PTPN9: variants seen among roughly 807,000 people sequenced by gnomAD.
PTPN9 encodes the protein tyrosine-protein phosphatase non-receptor type 9.
Under a neutral mutation model 69.8 loss-of-function variants are expected in PTPN9, and 26 were observed. The observed-to-expected ratio is 0.37, with a 90% CI of 0.27 to 0.52. The LOEUF (loss-of-function observed/expected upper bound fraction) is 0.52, where lower values mean the gene tolerates loss of function less well. Among genes scored for constraint, PTPN9 ranks in the 20% least tolerant of loss-of-function variants. The pLI is 0.91. For missense variants in PTPN9, 549 were observed against 740.3 expected, an observed-to-expected ratio of 0.74 and a Z score of 3.00; for synonymous variants, 274 against 272.5, an observed-to-expected ratio of 1.01 and a Z score of -0.05.
intron 1 of PTPN9, among the ~76,000 whole-genome samples, chr15:75,564,315 C>T (rs926112319): frequency 1.3e-5 from 2 of 152,168 alleles, no homozygotes; most frequent in Non-Finnish European, 2.9e-5. Context: ...ACCACATTGG[C>T]CAGGTGCGGT....
chr15:75,484,293 A>G (rs1297301186), intron 8 of PTPN9, among the ~76,000 whole-genome samples: 1 of 152,214 alleles, frequency 6.6e-6, no homozygotes, highest in African/African-American at 2.4e-5. Context: ...ATGAGAGGCA[A>G]GGCAAGCAAG....
intron 1 of PTPN9, among the ~76,000 whole-genome samples, chr15:75,538,653 C>G (rs2074995601): frequency 6.6e-6 from 1 of 151,898 alleles, no homozygotes; most frequent in Non-Finnish European, 1.5e-5. Flanking sequence ...CTGCATGGCC[C>G]CCCAGCCTGG....
At chr15:75,524,341 G>T in intron 2 of PTPN9, 43 bp from the exon 3 acceptor site, 2 of 1,266,870 alleles carry the variant, frequency 1.6e-6, no homozygotes, top group Non-Finnish European at 2.3e-6. Flanking sequence ...TGAAAATACT[G>T]TATATCCAGG....
rs1567533120 is a variant in PTPN9 at position 75,575,010 on chromosome 15, G to GTTTTT, written c.63+3703_63+3704insAAAAA. Among the ~76,000 whole-genome samples the GTTTTT allele has an allele frequency of 3.8e-4, 6 of 15,768 alleles. 3 individuals carry two copies. The highest frequency in any genetic ancestry group is 5.0e-4 in the Non-Finnish European group (6 of 12,054). The allele number at this position is 15,768 out of a possible 152,430, so 10.3% of individuals were successfully genotyped here. ...TTTTTTTTTTTTTTTTTGAGACAGAGGAGACGGAGTCTCGCTCTGTCGGCG... is the reference window on the plus strand; with the variant it reads ...TTTTTTTTTTTTTTTTTGAGACAGAGTTTTTGAGACGGAGTCTCGCTCTGTCGGCG... On this transcript the variant is annotated intron_variant, in intron 1 of 12. Coordinates refer to ENST00000618819, the MANE Select transcript of PTPN9 (RefSeq NM_002833.4).
At chr15:75,575,353 C>T (rs1295089172) in intron 1 of PTPN9, among the ~76,000 whole-genome samples, 1 of 151,976 alleles carries the variant, frequency 6.6e-6, no homozygotes, top group Admixed American at 6.6e-5. Context: ...AATGTGTAAA[C>T]CGAATTTGAT....
chr15:75,576,509 G>T (rs1321651596), intron 1 of PTPN9, among the ~76,000 whole-genome samples: 2 of 150,028 alleles, frequency 1.3e-5, no homozygotes, highest in Non-Finnish European at 3.0e-5. Context: ...TCCAGTCTGG[G>T]CAACAAAACC....
At chr15:75,524,545 A>C (rs1203865171) in intron 2 of PTPN9, among the ~76,000 whole-genome samples, 3 of 152,206 alleles carry the variant, frequency 2.0e-5, no homozygotes, top group African/African-American at 7.2e-5. Flanking sequence ...TGAGAGGCCA[A>C]GGCGGGCAGG....
intron 9 of PTPN9, among the ~76,000 whole-genome samples, chr15:75,473,977 C>T (rs1004360020): frequency 1.3e-5 from 2 of 152,146 alleles, no homozygotes; most frequent in Admixed American, 1.3e-4. Context: ...ATCTGCATGT[C>T]AACGAGATCC....
chr15:75,522,566 G>A (rs1234071730), intron 4 of PTPN9, among the ~76,000 whole-genome samples: 2 of 151,900 alleles, frequency 1.3e-5, no homozygotes, highest in Non-Finnish European at 1.5e-5. Flanking sequence ...ACCACACCCA[G>A]CTAATTTTTT....
At chr15:75,480,954 C>A in intron 8 of PTPN9, 1 of 189,564 alleles carries the variant, frequency 5.3e-6, no homozygotes, top group Non-Finnish European at 9.6e-6. Context: ...GTGAGGAGCC[C>A]CTCTGCCTGG....
At chr15:75,480,123 C>T (rs1345058403) in intron 8 of PTPN9, among the ~76,000 whole-genome samples, 1 of 152,034 alleles carries the variant, frequency 6.6e-6, no homozygotes, top group East Asian at 1.9e-4. Context: ...CAAGCTGACT[C>T]CTTCCTCACA....
chr15:75,471,976 C>T (rs1233706669), intron 10 of PTPN9, among the ~76,000 whole-genome samples: 1 of 152,102 alleles, frequency 6.6e-6, no homozygotes, highest in Non-Finnish European at 1.5e-5. Context: ...CCTTGCCACC[C>T]TCCAGTGGCC....
chr15:75,503,837 C>T (rs1430836305), intron 7 of PTPN9, among the ~76,000 whole-genome samples: 4 of 134,770 alleles, frequency 3.0e-5, no homozygotes, highest in African/African-American at 1.1e-4. Context: ...GCCAGCCGCC[C>T]CGTCCGGGAG....
At position 75,509,050 on chromosome 15, in the gene PTPN9, T is replaced by C. The variant is rs781503340; in HGVS notation, c.529-23A>G. On this transcript the variant is annotated intron_variant, in intron 5 of 12. Coordinates refer to ENST00000618819, the MANE Select transcript of PTPN9 (RefSeq NM_002833.4). ...TCCCTGTGGAGAAAACACATGAGGA[T>C]TTAAGTGTAATGGAACCTGTGACTC... 15 of 1,590,104 alleles carry C rather than the reference T, an allele frequency of 9.4e-6. No individual in the cohort carries two copies. In the South Asian group the frequency reaches 1.7e-4, roughly 18 times the overall value.
Position 75,498,122 on chromosome 15 carries a change from G to A in PTPN9, c.968+7553C>T, listed in dbSNP as rs189282438. Among the ~76,000 whole-genome samples the A allele has an allele frequency of 3.2e-4, 49 of 152,002 alleles. No individual in the cohort carries two copies. In the East Asian group the frequency reaches 8.7e-3, roughly 27 times the overall value. ...GAGGCGGGAGATCACTTGAACCCAT[G>A]AGGCGGAGGTTGCAGCGAGCTGAGA... On this transcript the variant is annotated intron_variant, in intron 7 of 12. Transcript: ENST00000618819.
At chr15:75,524,179 G>T (rs760629675) in intron 3 of PTPN9, 30 bp downstream of exon 3, 11 of 1,318,612 alleles carry the variant, frequency 8.3e-6, no homozygotes, top group Non-Finnish European at 1.2e-5. Flanking sequence ...AAGTAATAAG[G>T]CCCTACAAGA....
intron 7 of PTPN9, among the ~76,000 whole-genome samples, chr15:75,500,034 C>T (rs144087806): frequency 1.1e-4 from 16 of 152,092 alleles, no homozygotes; most frequent in Non-Finnish European, 2.9e-5. Flanking sequence ...ACAAATTAGG[C>T]CAGGCATGGT....
chr15:75,568,860 G>T (rs1267834533), intron 1 of PTPN9, among the ~76,000 whole-genome samples: 1 of 152,006 alleles, frequency 6.6e-6, no homozygotes, highest in African/African-American at 2.4e-5. Flanking sequence ...TTTAAAAAGT[G>T]AACCAAACGC....
intron 1 of PTPN9, among the ~76,000 whole-genome samples, chr15:75,557,208 T>G (rs1320851057): frequency 6.6e-6 from 1 of 152,106 alleles, no homozygotes; most frequent in Non-Finnish European, 1.5e-5. Flanking sequence ...GCAGATCACC[T>G]GAGGTCAGGA....
Sources: gnomAD v4.1 joint callset for allele counts (sites outside exome capture counted in the v4.1 genomes callset) on GRCh38, gnomAD v4.1.1 for gene constraint, MANE v1.5 for transcripts, NCBI Gene and HGNC (gene_info 2026-07-23, HGNC 2026-07-21) for gene names.